Variants in LARP1B observed in about 807,000 individuals in gnomAD.
LARP1B encodes the protein la-related protein 1B.
A neutral mutation model predicts 114.2 loss-of-function variants in LARP1B; 76 were observed. That is an observed-to-expected ratio of 0.67 (90% CI 0.55 to 0.81). The LOEUF is 0.81. LARP1B is among the 30% of genes least tolerant of loss of function. The probability of loss-of-function intolerance (pLI) is 0.00; values close to 1 mark genes in which losing one functional copy is unlikely to be tolerated. For missense variants in LARP1B, 1,014 were observed against 1,075.8 expected (o/e 0.94, Z 0.80); for synonymous variants, 345 against 348.0 (o/e 0.99, Z 0.10).
At chr4:128,115,320 C>T (rs4527494) in intron 10 of LARP1B, among the ~76,000 whole-genome samples, 99,302 of 152,110 alleles carry the variant, frequency 0.65, 32,695 homozygotes, top group Middle Eastern at 0.81. Context: ...CACAACACTT[C>T]GGGAGGCCAA....
chr4:128,133,605 A>G lies in LARP1B; in HGVS notation c.1524+11417A>G, dbSNP rs181595629. ...CTTCAGACTTCCTGCTTGTTACAGT[A>G]ATCAAAACCTTGTGGTACTGTCATA... is the stretch of plus-strand genomic sequence containing the variant. On this transcript the variant is annotated intron_variant, in intron 11 of 19. Transcript: ENST00000326639. 3.2e-3 allele frequency among the ~76,000 whole-genome samples: 495 copies of G among 152,358 alleles called. 3 individuals carry two copies. The highest frequency in any genetic ancestry group is 5.5e-3 in the Non-Finnish European group (374 of 68,038).
intron 15 of LARP1B, among the ~76,000 whole-genome samples, chr4:128,179,774 A>G (rs994373627): frequency 1.4e-4 from 21 of 152,126 alleles, no homozygotes; most frequent in African/African-American, 5.1e-4. Context: ...AGGTCTATGA[A>G]AGTTATTATC....
chr4:128,207,176 T>C (rs1452262898), intron 18 of LARP1B, 80 bp from the exon 19 acceptor site: 1 of 623,204 alleles, frequency 1.6e-6, no homozygotes, highest in African/African-American at 1.9e-5. Context: ...AAATTGTTTA[T>C]TGCTGATAGG....
intron 16 of LARP1B, among the ~76,000 whole-genome samples, 188 bp downstream of exon 16, chr4:128,199,787 T>C (rs1390224634): frequency 6.6e-6 from 1 of 152,180 alleles, no homozygotes; most frequent in East Asian, 1.9e-4. Flanking sequence ...CATTAGGAAA[T>C]AAAAATTAAT....
At chr4:128,097,296 GT>G (rs1277380241) in intron 7 of LARP1B, among the ~76,000 whole-genome samples, 4 of 151,688 alleles carry the variant, frequency 2.6e-5, no homozygotes, top group African/African-American at 7.3e-5. Context: ...TGTTCACTAA[GT>G]TTTTTTTGTT....
Position 128,090,871 on chromosome 4 carries a change from T to C in LARP1B, c.359-130T>C, listed in dbSNP as rs957559139. On this transcript the variant is annotated intron_variant, in intron 5 of 19. Coordinates refer to ENST00000326639, the MANE Select transcript of LARP1B (RefSeq NM_018078.4). ...ATTGGATCTCTTCAGTTTGTATCCA[T>C]CTGAAAAATGCCTGGCTACTGTTCA... 1.9e-5 allele frequency: 12 copies of C among 633,112 alleles called. No individual in the cohort carries two copies. In the African/African-American group the frequency reaches 2.2e-4, roughly 12 times the overall value. 39.2% of individuals were successfully genotyped at this position (633,112 alleles called of 1,614,324 possible).
At position 128,210,167 on chromosome 4, in the gene LARP1B, A is replaced by G; in HGVS notation, c.*114A>G. 6.5e-7 allele frequency: 1 copy of G among 1,528,218 alleles called. No individual in the cohort carries two copies. Among genetic ancestry groups the G allele is most frequent in the Admixed American group, 2.1e-5 (1 of 47,040 alleles). The allele number at this position is 1,528,218 out of a possible 1,614,324, so 94.7% of individuals were successfully genotyped here. On this transcript the variant is annotated 3_prime_UTR_variant, in exon 20 of 20. Transcript: ENST00000326639. ...CATTTACATCAGTATTTATTTGGGG[A>G]AAATCTTCTGGTGTTTAATTGTGAT...
In LARP1B at chr4:128,199,525, C is replaced by T. The variant is rs773727610; in HGVS notation, c.2090C>T (p.Pro697Leu). 2 of 1,602,996 alleles carry T rather than the reference C, an allele frequency of 1.2e-6. No individual in the cohort carries two copies. Among genetic ancestry groups the T allele is most frequent in the East Asian group, 4.5e-5 (2 of 44,598 alleles). ...TPHSFPKFQH[P>L]SHELLKENGF... is the part of the protein sequence containing the mutation. Reference sequence around the variant, plus strand: ...CATTCATTCCCAAAGTTCCAGCATCCTTCTCATGAACTTTTGAAGGAAAAT... The same window carrying T: ...CATTCATTCCCAAAGTTCCAGCATCTTTCTCATGAACTTTTGAAGGAAAAT... The change falls in exon 16 of 20, where the codon CCT becomes CTT. Residue 697 changes from proline to leucine, a missense_variant. Pro to Leu is a moderately conservative substitution (Grantham distance 98, BLOSUM62 -3). Transcript: ENST00000326639.
chr4:128,169,400 T>G (rs1457908406), intron 12 of LARP1B, among the ~76,000 whole-genome samples: 4 of 152,068 alleles, frequency 2.6e-5, no homozygotes, highest in African/African-American at 7.2e-5. Context: ...TTATTGTATT[T>G]TGATTTTCAT....
chr4:128,177,106 A>C (rs1230306294), intron 13 of LARP1B, among the ~76,000 whole-genome samples, 199 bp downstream of exon 13: 1 of 152,224 alleles, frequency 6.6e-6, no homozygotes, highest in Non-Finnish European at 1.5e-5. Flanking sequence ...AAAATCAGCA[A>C]AATCTCATAT....
At chr4:128,133,427 A>C (rs1792184986) in intron 11 of LARP1B, among the ~76,000 whole-genome samples, 2 of 152,252 alleles carry the variant, frequency 1.3e-5, no homozygotes. Flanking sequence ...TGTCAGTACT[A>C]TCCAAAGTAT....
intron 15 of LARP1B, among the ~76,000 whole-genome samples, chr4:128,199,176 A>G (rs1333265870): frequency 6.6e-6 from 1 of 152,218 alleles, no homozygotes; most frequent in Admixed American, 6.5e-5. Context: ...GGAATGAGCT[A>G]TTCAGTTATC....
At chr4:128,121,768 C>A in intron 10 of LARP1B, 58 bp from the exon 11 acceptor site, 1 of 1,225,950 alleles carries the variant, frequency 8.2e-7, no homozygotes, top group Non-Finnish European at 1.1e-6. Context: ...TGTTTTATGA[C>A]ATTTAATTTA....
At chr4:128,155,450 C>T (rs1167928598) in intron 11 of LARP1B, 1 of 731,744 alleles carries the variant, frequency 1.4e-6, no homozygotes, top group Non-Finnish European at 2.5e-6. Context: ...ATGGCGACCC[C>T]GCGCAGCCCC....
intron 1 of LARP1B, among the ~76,000 whole-genome samples, chr4:128,063,480 T>C (rs1354513964): frequency 1.4e-5 from 1 of 70,596 alleles, no homozygotes. Flanking sequence ...ATAAAAACCA[T>C]GACAAAAAGC....
intron 11 of LARP1B, among the ~76,000 whole-genome samples, chr4:128,145,449 C>A (rs1442530025): frequency 2.0e-5 from 3 of 152,264 alleles, no homozygotes; most frequent in Middle Eastern, 3.4e-3. Context: ...TCAGCTTAAC[C>A]ACATAGCAGT....
chr4:128,212,465 G>A (rs1759125350), downstream of LARP1B, among the ~76,000 whole-genome samples: 1 of 151,838 alleles, frequency 6.6e-6, no homozygotes, highest in South Asian at 2.1e-4. Context: ...CCAACATGAT[G>A]TGAAACCCCA....
At chr4:128,182,111 C>A (rs1421236678) in intron 15 of LARP1B, among the ~76,000 whole-genome samples, 1 of 113,188 alleles carries the variant, frequency 8.8e-6, no homozygotes, top group African/African-American at 3.4e-5. Flanking sequence ...TGCACCCGGC[C>A]TTTTTTTTTT....
chr4:128,109,342 ACT>A (rs1384131888), intron 9 of LARP1B, among the ~76,000 whole-genome samples: 1 of 151,992 alleles, frequency 6.6e-6, no homozygotes, highest in East Asian at 1.9e-4. Context: ...TAACAACATA[ACT>A]CTTTATGATT....
Sources: gnomAD v4.1 joint callset for allele counts (sites outside exome capture counted in the v4.1 genomes callset) on GRCh38, gnomAD v4.1.1 for gene constraint, MANE v1.5 for transcripts, NCBI Gene and HGNC (gene_info 2026-07-23, HGNC 2026-07-21) for gene names.